The following CORO1C variants were observed in gnomAD, a reference collection of about 807,000 sequenced individuals.
CORO1C encodes coronin 1C.
Under a neutral mutation model 51.2 loss-of-function variants are expected in CORO1C, and 14 were observed. That is an observed-to-expected ratio of 0.27 (90% confidence interval 0.18 to 0.43). The LOEUF is 0.43. Ranked by LOEUF, CORO1C falls within the 20% of genes least tolerant of loss-of-function variation. The pLI is 1.00. For synonymous variants in CORO1C, 181 were observed against 210.5 expected (o/e 0.86, Z 1.21); for missense variants, 417 against 607.8 (o/e 0.69, Z 3.30).
At chr12:108,660,832 G>T (rs1302268116) in intron 4 of CORO1C, among the ~76,000 whole-genome samples, 1 of 152,072 alleles carries the variant, frequency 6.6e-6, no homozygotes, top group African/African-American at 2.4e-5. Context: ...ATAGTCGATG[G>T]TGATTATAAA....
At chr12:108,647,989 T>C (rs575457032) in intron 10 of CORO1C, among the ~76,000 whole-genome samples, 1 of 152,190 alleles carries the variant, frequency 6.6e-6, no homozygotes, top group Non-Finnish European at 1.5e-5. Context: ...TTGCCCTGTG[T>C]GTCCACTCCT....
At chr12:108,727,978 A>C (rs2035630881) in intron 1 of CORO1C, among the ~76,000 whole-genome samples, 1 of 152,246 alleles carries the variant, frequency 6.6e-6, no homozygotes, top group African/African-American at 2.4e-5. Flanking sequence ...TTCACCAACC[A>C]CATGAAAAGA....
intron 2 of CORO1C, chr12:108,696,406 G>A (rs964416819): frequency 5.4e-5 from 8 of 148,560 alleles, no homozygotes; most frequent in Non-Finnish European, 8.9e-5. Context: ...GAAGTGTGTC[G>A]GGGGGAGGGA....
intron 2 of CORO1C, among the ~76,000 whole-genome samples, chr12:108,682,047 G>A (rs2034141974): frequency 6.6e-6 from 1 of 151,788 alleles, no homozygotes; most frequent in Admixed American, 6.6e-5. Context: ...ATAATTTCTG[G>A]GGGTGGGTGG....
intron 2 of CORO1C, among the ~76,000 whole-genome samples, chr12:108,696,147 C>T (rs1307413267): frequency 6.6e-6 from 1 of 152,170 alleles, no homozygotes. Flanking sequence ...CTGGCCAGAG[C>T]AGCATTCTTG....
chr12:108,651,501 A>G (rs2032655289), intron 8 of CORO1C, among the ~76,000 whole-genome samples: 1 of 152,164 alleles, frequency 6.6e-6, no homozygotes, highest in African/African-American at 2.4e-5. Context: ...CTACCGCCCC[A>G]TTATAGGACC....
At chr12:108,699,494 C>T (rs1453185509) in intron 2 of CORO1C, among the ~76,000 whole-genome samples, 2 of 152,158 alleles carry the variant, frequency 1.3e-5, no homozygotes, top group African/African-American at 4.8e-5. Context: ...AATAAAAACT[C>T]GTAACTCCAA....
At chr12:108,680,731 C>G (rs1160193685) in intron 2 of CORO1C, among the ~76,000 whole-genome samples, 1 of 152,222 alleles carries the variant, frequency 6.6e-6, no homozygotes, top group Non-Finnish European at 1.5e-5. Flanking sequence ...CGAAATTTAA[C>G]AAATGCTGGA....
chr12:108,665,977 G>A (rs1473019722), intron 3 of CORO1C, among the ~76,000 whole-genome samples: 1 of 152,252 alleles, frequency 6.6e-6, no homozygotes, highest in East Asian at 1.9e-4. Context: ...GACACTGAGT[G>A]TTAGTTGGTA....
chr12:108,677,954 G>A (rs1474290211), intron 3 of CORO1C, among the ~76,000 whole-genome samples: 1 of 151,776 alleles, frequency 6.6e-6, no homozygotes, highest in Non-Finnish European at 1.5e-5. Flanking sequence ...GGGAGGCGGA[G>A]GTTACAGTGA....
intron 2 of CORO1C, among the ~76,000 whole-genome samples, chr12:108,699,277 G>C (rs561037923): frequency 9.6e-4 from 146 of 152,294 alleles, no homozygotes; most frequent in Non-Finnish European, 1.5e-3. Context: ...CCTCAAATGG[G>C]ATAAGTGAAA....
chr12:108,656,425 G>A (rs2033015350), intron 6 of CORO1C, among the ~76,000 whole-genome samples: 1 of 150,878 alleles, frequency 6.6e-6, no homozygotes, highest in Non-Finnish European at 1.5e-5. Context: ...ATCCGGGAGG[G>A]AGGTGGGGGG....
intron 3 of CORO1C, among the ~76,000 whole-genome samples, chr12:108,676,832 T>C (rs1592887432): frequency 1.3e-5 from 2 of 151,170 alleles, no homozygotes; most frequent in Non-Finnish European, 1.5e-5. Flanking sequence ...CTTAACAAAA[T>C]GCGTCCATAG....
chr12:108,700,681 A>C lies in CORO1C; in HGVS notation c.195+443T>G, dbSNP rs538236850. On this transcript the variant is annotated intron_variant, in intron 2 of 10. Coordinates refer to ENST00000261401, the MANE Select transcript of CORO1C (RefSeq NM_014325.4). ...AAAAAAGGAAATTAAGAAAAGAAAAAGGGCTCATCCTTATGACTTCACAAA... is the reference window on the plus strand; with the variant it reads ...AAAAAAGGAAATTAAGAAAAGAAAACGGGCTCATCCTTATGACTTCACAAA... Among the ~76,000 whole-genome samples the C allele has an allele frequency of 3.9e-5, 6 of 152,266 alleles. 1 individual carries two copies. The South Asian group carries it at 1.2e-3, about 32-fold the overall frequency.
At chr12:108,703,523 AAGTGTG>A (rs2136867888) in intron 1 of CORO1C, among the ~76,000 whole-genome samples, 1 of 152,362 alleles carries the variant, frequency 6.6e-6, no homozygotes, top group South Asian at 2.1e-4. Flanking sequence ...TAACTGACTG[AAGTGTG>A]AGTGTCCTCT....
At position 108,716,161 on chromosome 12, in the gene CORO1C, C is replaced by A. The variant is rs143827636; in HGVS notation, c.-5-14838G>T. On this transcript the variant is annotated intron_variant, in intron 1 of 10. Transcript: ENST00000261401. ...AAAAAAAAAAAAAAAAAAAAAAATC[C>A]TTGAATATGTTTCTAAACATTCTTT... Among the ~76,000 whole-genome samples, 564 of 127,948 alleles carry A rather than the reference C, an allele frequency of 4.4e-3. 9 individuals carry two copies. The highest frequency in any genetic ancestry group is 0.014 in the African/African-American group (517 of 35,786). The allele number at this position is 127,948 out of a possible 152,430, so 83.9% of individuals were successfully genotyped here.
At position 108,664,684 on chromosome 12, in the gene CORO1C, C is replaced by T. The variant is rs970481629; in HGVS notation, c.319-2526G>A. Among the ~76,000 whole-genome samples the T allele has an allele frequency of 1.8e-4, 27 of 152,158 alleles. 1 individual carries two copies. Among genetic ancestry groups the T allele is most frequent in the African/African-American group, 1.7e-4 (7 of 41,432 alleles). On this transcript the variant is annotated intron_variant, in intron 3 of 10. Transcript: ENST00000261401. The stretch of plus-strand genomic sequence containing the variant: ...CCTTGACCCAGGCCTCTTTCCCCTG[C>T]GGAGAACATGGGCATCTGCTCTCCT...
chr12:108,672,668 T>A (rs529931748), intron 3 of CORO1C, among the ~76,000 whole-genome samples: 11 of 151,660 alleles, frequency 7.3e-5, no homozygotes, highest in East Asian at 5.9e-4. Context: ...TTTTTTTTTT[T>A]AAACAAATTG....
intron 5 of CORO1C, among the ~76,000 whole-genome samples, chr12:108,657,834 C>T (rs2033092420): frequency 6.6e-6 from 1 of 152,240 alleles, no homozygotes; most frequent in African/African-American, 2.4e-5. Flanking sequence ...CTAGTTAACG[C>T]TTTCCTTGAC....
Sources: allele counts gnomAD v4.1 joint callset (sites outside exome capture counted in the v4.1 genomes callset), GRCh38; gene constraint gnomAD v4.1.1; transcripts MANE v1.5; gene names NCBI Gene and HGNC (gene_info 2026-07-23, HGNC 2026-07-21).